FGF12: variants seen among roughly 807,000 people sequenced by gnomAD.
The protein encoded by FGF12 is fibroblast growth factor 12B.
In FGF12, 14 loss-of-function variants were observed where a neutral mutation model predicts 23.6. That is an observed-to-expected ratio of 0.59 (90% CI 0.39 to 0.93). FGF12 has a LOEUF of 0.93. FGF12 is among the 40% of genes least tolerant of loss of function. The pLI, the probability that FGF12 is intolerant of heterozygous loss-of-function variation, is 0.00. For synonymous variants in FGF12, 62 were observed against 77.3 expected (o/e 0.80, Z 1.04); for missense variants, 175 against 217.8 (o/e 0.80, Z 1.24).
intron 4 of FGF12, among the ~76,000 whole-genome samples, chr3:192,227,861 C>A (rs79065478): frequency 0.048 from 7,278 of 152,212 alleles, 241 homozygotes; most frequent in South Asian, 0.08. Flanking sequence ...AAGAGAACTG[C>A]AAATAGTTGA....
At chr3:192,158,391 C>CTTTCTTCTT (rs1163929214) in intron 5 of FGF12, among the ~76,000 whole-genome samples, 1 of 77,050 alleles carries the variant, frequency 1.3e-5, no homozygotes, top group South Asian at 4.5e-4. Context: ...TCTTTTCTTT[C>CTTTCTTCTT]TCTCTCTTTC....
chr3:192,581,610 G>A (rs1445769110), intron 2 of FGF12, among the ~76,000 whole-genome samples: 1 of 151,746 alleles, frequency 6.6e-6, no homozygotes, highest in Admixed American at 6.6e-5. Context: ...TTGAGGTCAA[G>A]TGTTCTCTTT....
At chr3:192,206,800 T>C (rs1717671426) in intron 4 of FGF12, among the ~76,000 whole-genome samples, 1 of 152,142 alleles carries the variant, frequency 6.6e-6, no homozygotes, top group African/African-American at 2.4e-5. Flanking sequence ...AGTTTAACAT[T>C]TTATTAAAAG....
At chr3:192,449,202 A>G (rs951792558) in intron 2 of FGF12, among the ~76,000 whole-genome samples, 2 of 152,170 alleles carry the variant, frequency 1.3e-5, no homozygotes, top group African/African-American at 4.8e-5. Context: ...TGTTCTTTGC[A>G]GCAAACACAA....
chr3:192,280,497 G>T (rs2108638726), intron 4 of FGF12, among the ~76,000 whole-genome samples: 1 of 152,124 alleles, frequency 6.6e-6, no homozygotes, highest in Non-Finnish European at 1.5e-5. Flanking sequence ...ATCAATAGTT[G>T]TATTACTAGT....
At chr3:192,272,981 G>A (rs1281561015) in intron 4 of FGF12, among the ~76,000 whole-genome samples, 2 of 152,288 alleles carry the variant, frequency 1.3e-5, no homozygotes, top group East Asian at 3.9e-4. Flanking sequence ...AGAAAATGGT[G>A]AATAAATTTT....
intron 2 of FGF12, among the ~76,000 whole-genome samples, chr3:192,689,952 T>C (rs1487419522): frequency 6.6e-6 from 1 of 152,026 alleles, no homozygotes; most frequent in East Asian, 1.9e-4. Context: ...ATAAGGCCAT[T>C]ATAGATTTCT....
At chr3:192,711,518 G>A (rs1186879877) in intron 2 of FGF12, among the ~76,000 whole-genome samples, 1 of 152,184 alleles carries the variant, frequency 6.6e-6, no homozygotes, top group Non-Finnish European at 1.5e-5. Context: ...GGGGAAATGT[G>A]GGGAAAAGAT....
chr3:192,169,911 A>T (rs1715448650), intron 5 of FGF12, among the ~76,000 whole-genome samples: 1 of 151,002 alleles, frequency 6.6e-6, no homozygotes, highest in Non-Finnish European at 1.5e-5. Context: ...ATTACGAGAG[A>T]AAAGGTTATA....
At chr3:192,206,796 A>G (rs1717671103) in intron 4 of FGF12, among the ~76,000 whole-genome samples, 1 of 152,188 alleles carries the variant, frequency 6.6e-6, no homozygotes, top group African/African-American at 2.4e-5. Flanking sequence ...TAACAGTTTA[A>G]CATTTTATTA....
At chr3:192,703,672 C>T (rs1718375579) in intron 2 of FGF12, among the ~76,000 whole-genome samples, 1 of 152,218 alleles carries the variant, frequency 6.6e-6, no homozygotes, top group Non-Finnish European at 1.5e-5. Context: ...TGTGTCCCCA[C>T]CCAAATCTCA....
intron 2 of FGF12, chr3:192,516,716 G>A (rs1560136679): frequency 6.6e-6 from 1 of 152,222 alleles, no homozygotes; most frequent in Non-Finnish European, 1.5e-5. Flanking sequence ...ATATGCCCAG[G>A]CCTTTCTTTC....
rs181396916 is a variant in FGF12, at chr3:192,235,732, G to T, written c.229-65076C>A. On this transcript the variant is annotated intron_variant, in intron 4 of 5. Transcript: ENST00000445105. Reference sequence around the variant, plus strand: ...TGTCACCTTTGTCATTTCTGATTGTGTTTATTTGGATATTCTTTCATTTTT... The same window carrying T: ...TGTCACCTTTGTCATTTCTGATTGTTTTTATTTGGATATTCTTTCATTTTT... Among the ~76,000 whole-genome samples the T allele has an allele frequency of 2.3e-4, 35 of 152,190 alleles. No homozygotes were observed. The East Asian group carries it at 6.2e-3, about 27-fold the overall frequency.
intron 3 of FGF12, among the ~76,000 whole-genome samples, chr3:192,358,459 A>G (rs1718573399): frequency 8.1e-6 from 1 of 123,962 alleles, no homozygotes; most frequent in Non-Finnish European, 1.6e-5. Context: ...TATTTGACAC[A>G]ATGTGTGCCC....
chr3:192,170,658 T>C lies in FGF12; in HGVS notation c.229-2A>G. On this transcript the variant is annotated splice_acceptor_variant, in intron 4 of 5. Coordinates refer to ENST00000445105, the MANE Select transcript of FGF12 (RefSeq NM_004113.6). LOFTEE classifies it high-confidence loss of function. ...TTTGCATTCTGGAGTGAAAACATCC[T>C]GTAGGAAAAAAAAAAAAAGACACAA... The C allele has an allele frequency of 6.5e-7, 1 of 1,539,644 alleles. No homozygotes were observed. Among genetic ancestry groups the C allele is most frequent in the Non-Finnish European group, 8.6e-7 (1 of 1,158,892 alleles).
rs1397464326 is a variant in FGF12, at chr3:192,677,841, C to A, written c.13+49340G>T. 2.6e-5 allele frequency among the ~76,000 whole-genome samples: 4 copies of A among 152,276 alleles called. No individual in the cohort carries two copies. In the East Asian group the frequency reaches 7.7e-4, roughly 29 times the overall value. ...CTGAATTTGGCAGTCCTAATCCATACGTCTGGGGCAGGCTGACTGAGAATC... is the reference window on the plus strand; with the variant it reads ...CTGAATTTGGCAGTCCTAATCCATAAGTCTGGGGCAGGCTGACTGAGAATC... On this transcript the variant is annotated intron_variant, in intron 2 of 5. Transcript: ENST00000445105.
At chr3:192,436,344 T>C (rs1439519300) in intron 2 of FGF12, among the ~76,000 whole-genome samples, 1 of 152,198 alleles carries the variant, frequency 6.6e-6, no homozygotes, top group Admixed American at 6.5e-5. Flanking sequence ...CTGCTGTAAA[T>C]TAGGGGTTCT....
chr3:192,628,707 A>T (rs1252018224), intron 2 of FGF12, among the ~76,000 whole-genome samples: 4 of 149,856 alleles, frequency 2.7e-5, no homozygotes, highest in Non-Finnish European at 5.9e-5. Flanking sequence ...ATATATACAC[A>T]TAAATATATA....
chr3:192,539,514 T>G (rs2108575488), intron 2 of FGF12, among the ~76,000 whole-genome samples: 1 of 152,306 alleles, frequency 6.6e-6, no homozygotes, highest in East Asian at 1.9e-4. Context: ...ATGAATGATC[T>G]TTTTAATGAG....
Sources: gnomAD v4.1 joint callset for allele counts (sites outside exome capture counted in the v4.1 genomes callset) on GRCh38, gnomAD v4.1.1 for gene constraint, MANE v1.5 for transcripts, NCBI Gene and HGNC (gene_info 2026-07-23, HGNC 2026-07-21) for gene names.